Variants in MAP4K3 observed in about 807,000 individuals in gnomAD.
The protein encoded by MAP4K3 is MAPK/ERK kinase kinase kinase 3.
A neutral mutation model predicts 143.5 loss-of-function variants in MAP4K3; 94 were observed. The observed-to-expected ratio is 0.65, with a 90% CI of 0.55 to 0.78. MAP4K3 has a LOEUF of 0.78. MAP4K3 is among the 30% of genes least tolerant of loss of function. The pLI is 0.00. For synonymous variants in MAP4K3, 416 were observed against 347.2 expected (o/e 1.20, Z -2.20); for missense variants, 1,077 against 1,068.1 (o/e 1.01, Z -0.12).
intron 1 of MAP4K3, among the ~76,000 whole-genome samples, chr2:39,431,443 T>C (rs1426163867): frequency 1.3e-5 from 2 of 152,198 alleles, no homozygotes; most frequent in Non-Finnish European, 2.9e-5. Flanking sequence ...GTTTTCTTAA[T>C]GAGGGTCCCC....
At chr2:39,428,287 C>T (rs1176733735) in intron 1 of MAP4K3, among the ~76,000 whole-genome samples, 1 of 152,128 alleles carries the variant, frequency 6.6e-6, no homozygotes, top group East Asian at 1.9e-4. Context: ...GTGTATTTTC[C>T]TTTAATAAGC....
chr2:39,254,338 A>G, intron 32 of MAP4K3, 112 bp downstream of exon 32: 1 of 785,152 alleles, frequency 1.3e-6, no homozygotes, highest in Non-Finnish European at 2.1e-6. Context: ...AAATACAGTA[A>G]GTATTAATAA....
At chr2:39,411,245 C>G (rs974490461) in intron 1 of MAP4K3, among the ~76,000 whole-genome samples, 1 of 152,170 alleles carries the variant, frequency 6.6e-6, no homozygotes, top group Non-Finnish European at 1.5e-5. Flanking sequence ...AGAGTACAGA[C>G]AGAAAGCCAG....
At chr2:39,375,454 A>G (rs180952828) in intron 2 of MAP4K3, among the ~76,000 whole-genome samples, 1 of 152,340 alleles carries the variant, frequency 6.6e-6, no homozygotes, top group East Asian at 1.9e-4. Flanking sequence ...ACTTTACAGG[A>G]TAAATGATCG....
chr2:39,325,765 G>C lies in MAP4K3; in HGVS notation c.772C>G (p.Pro258Ala), dbSNP rs267599372. ...TTTTCAGCAGTAGGTCTTTTTTTCG[G>C]ATTTTTGGTAAGTGCCATTTTCACA... ...HFVKMALTKN[P>A]KKRPTAEKLL... Residue 258 changes from proline (P) to alanine (A), a missense_variant, in exon 11 of 34, where the codon CCG (proline) becomes GCG (alanine). Transcript: ENST00000263881. The C allele has an allele frequency of 6.2e-7, 1 of 1,609,204 alleles. No homozygotes were observed. The highest frequency in any genetic ancestry group is 8.5e-7 in the Non-Finnish European group (1 of 1,178,272).
intron 3 of MAP4K3, among the ~76,000 whole-genome samples, chr2:39,353,314 A>G (rs560828308): frequency 6.6e-6 from 1 of 152,362 alleles, no homozygotes; most frequent in South Asian, 2.1e-4. Context: ...TTAGGGAATA[A>G]GGGAAGAATC....
At chr2:39,388,683 T>C (rs1666574896) in intron 1 of MAP4K3, among the ~76,000 whole-genome samples, 1 of 152,176 alleles carries the variant, frequency 6.6e-6, no homozygotes, top group African/African-American at 2.4e-5. Flanking sequence ...AGAATCAAAA[T>C]ATCTTCCCTG....
At chr2:39,358,781 T>C (rs961958957) in intron 2 of MAP4K3, among the ~76,000 whole-genome samples, 3 of 152,196 alleles carry the variant, frequency 2.0e-5, no homozygotes, top group African/African-American at 4.8e-5. Flanking sequence ...AGAAATACAT[T>C]ATAAAGATAG....
intron 12 of MAP4K3, among the ~76,000 whole-genome samples, chr2:39,322,016 G>C (rs1261189992): frequency 1.4e-5 from 2 of 147,342 alleles, no homozygotes; most frequent in Non-Finnish European, 3.0e-5. Flanking sequence ...CTGGTCCCCT[G>C]GGTCCCCTTA....
chr2:39,282,400 T>C (rs775058205), intron 22 of MAP4K3, 113 bp downstream of exon 22: 10 of 842,068 alleles, frequency 1.2e-5, no homozygotes, highest in Non-Finnish European at 1.9e-5. Context: ...ATCTTATAGA[T>C]TTTTTTTCAA....
chr2:39,427,043 CAAA>C (rs1665110642), intron 1 of MAP4K3, among the ~76,000 whole-genome samples: 1 of 151,654 alleles, frequency 6.6e-6, no homozygotes, highest in African/African-American at 2.4e-5. Flanking sequence ...ACACCAGAAT[CAAA>C]GAAAAAAATC....
At chr2:39,297,262 C>A (rs1047597163) in intron 16 of MAP4K3, among the ~76,000 whole-genome samples, 1 of 151,912 alleles carries the variant, frequency 6.6e-6, no homozygotes, top group African/African-American at 2.4e-5. Flanking sequence ...GGACCTCAGG[C>A]GTGTGCCACC....
chr2:39,319,526 T>TC (rs1332330259), intron 12 of MAP4K3, among the ~76,000 whole-genome samples: 1 of 152,082 alleles, frequency 6.6e-6, no homozygotes, highest in Non-Finnish European at 1.5e-5. Context: ...CTGGAACCAA[T>TC]CCCCCTTGTG....
intron 4 of MAP4K3, among the ~76,000 whole-genome samples, chr2:39,342,840 T>A (rs1665181666): frequency 6.6e-6 from 1 of 152,132 alleles, no homozygotes; most frequent in South Asian, 2.1e-4. Context: ...AAGCCTACTC[T>A]ACAGTTTGTG....
In MAP4K3 at chr2:39,373,950, G is replaced by A. The variant is rs1168459379; in HGVS notation, c.154+4116C>T. ...TCCAATCATACATTTTAAAATAACT[G>A]GAAGAGTATAACTGGTCTGTTTGAA... On this transcript the variant is annotated intron_variant, in intron 2 of 33. Transcript: ENST00000263881. Among the ~76,000 whole-genome samples, 7 of 152,174 alleles carry A rather than the reference G, an allele frequency of 4.6e-5. No individual in the cohort carries two copies. The East Asian group carries it at 1.3e-3, about 29-fold the overall frequency.
At chr2:39,399,044 TAAA>T (rs57189056) in intron 1 of MAP4K3, among the ~76,000 whole-genome samples, 7 of 116,412 alleles carry the variant, frequency 6.0e-5, no homozygotes, top group Admixed American at 9.0e-5. Flanking sequence ...TCTGTCTCGT[TAAA>T]AAAAAAAAAA....
chr2:39,434,213 G>A (rs1665382550), intron 1 of MAP4K3, among the ~76,000 whole-genome samples: 1 of 152,022 alleles, frequency 6.6e-6, no homozygotes, highest in Non-Finnish European at 1.5e-5. Flanking sequence ...ATATATATTG[G>A]CTTTTGAAAA....
intron 12 of MAP4K3, among the ~76,000 whole-genome samples, chr2:39,319,654 C>G (rs1029949370): frequency 2.0e-5 from 3 of 152,070 alleles, no homozygotes; most frequent in Non-Finnish European, 4.4e-5. Flanking sequence ...AATCAAGAGT[C>G]TAAATATTTC....
At chr2:39,387,753 C>T (rs931659508) in intron 1 of MAP4K3, among the ~76,000 whole-genome samples, 1 of 152,232 alleles carries the variant, frequency 6.6e-6, no homozygotes, top group Non-Finnish European at 1.5e-5. Flanking sequence ...CCTTGAGTTC[C>T]TGACAAGCTT....
Sources: allele counts gnomAD v4.1 joint callset (sites outside exome capture counted in the v4.1 genomes callset), GRCh38; gene constraint gnomAD v4.1.1; transcripts MANE v1.5; gene names NCBI Gene and HGNC (gene_info 2026-07-23, HGNC 2026-07-21).